The following EVL variants were observed in gnomAD, a reference collection of about 807,000 sequenced individuals.
EVL encodes Enah/Vasp-like, also known as ena/VASP-like protein.
In EVL, 21 loss-of-function variants were observed where a neutral mutation model predicts 59.6. That is an observed-to-expected ratio of 0.35 (90% CI 0.25 to 0.51). The LOEUF is 0.51. Among genes scored for constraint, EVL ranks in the 20% least tolerant of loss-of-function variants. EVL has a pLI of 0.97. For synonymous variants in EVL, 198 were observed against 203.5 expected (o/e 0.97, Z 0.23); for missense variants, 462 against 546.6 (o/e 0.85, Z 1.54).
At chr14:100,125,195 CCTGCCCCAAGACGGGATCACACACACAG>C (rs1887984639) in intron 4 of EVL, among the ~76,000 whole-genome samples, 5 of 138,496 alleles carry the variant, frequency 3.6e-5, no homozygotes, top group African/African-American at 1.3e-4. Context: ...CACACACACA[CCTGCCCCAAGACGGGATCACACACACAG>C]ACACACACAC....
intron 1 of EVL, among the ~76,000 whole-genome samples, chr14:100,026,656 C>A (rs2061218781): frequency 6.6e-6 from 1 of 152,194 alleles, no homozygotes; most frequent in African/African-American, 2.4e-5. Flanking sequence ...GTGCTTACTA[C>A]TGTGTAGTTG....
intron 1 of EVL, among the ~76,000 whole-genome samples, chr14:100,060,386 G>A (rs1039457666): frequency 1.4e-5 from 2 of 146,944 alleles, no homozygotes; most frequent in Non-Finnish European, 3.0e-5. Flanking sequence ...AGCCGAGATC[G>A]CGCCACTGCA....
intron 3 of EVL, chr14:100,107,346 G>A: frequency 5.0e-6 from 2 of 398,618 alleles, no homozygotes; most frequent in Non-Finnish European, 8.8e-6. Context: ...AGCCTCTGCT[G>A]GTGTAGAAGG....
At chr14:100,141,028 C>A (rs1595262564) in intron 11 of EVL, 152 bp from the exon 12 acceptor site, 1 of 630,874 alleles carries the variant, frequency 1.6e-6, no homozygotes, top group East Asian at 3.0e-5. Flanking sequence ...TTAAATCCTT[C>A]TCAGGCAGTC....
chr14:100,091,661 G>C (rs142143163), intron 2 of EVL, among the ~76,000 whole-genome samples: 3 of 152,112 alleles, frequency 2.0e-5, no homozygotes, highest in African/African-American at 7.2e-5. Context: ...TAAGAAACCC[G>C]TAAACCTAGG....
In EVL at chr14:99,972,840, G is replaced by A. The variant is rs2060744182; in HGVS notation, c.5+783G>A. ...ATTTGTAATTTTGCTTTCTGAACAC[G>A]TATCTCGTAAAAACTGTAGTTTGTA... On this transcript the variant is annotated intron_variant, in intron 1 of 13. Coordinates refer to the EVL transcript ENST00000402714. This position sits in a 1 kb window ranked among gnomAD's most constrained non-coding sequence, Gnocchi z 4.4. Among the ~76,000 whole-genome samples, 1 of 151,394 alleles carries A rather than the reference G, an allele frequency of 6.6e-6. No homozygotes were observed.
Position 100,097,643 on chromosome 14 carries a change from A to G in EVL, c.343A>G (p.Asn115Asp). ...NAMLFALNIM[N>D]SQEGGPSSQR... Reference sequence around the variant, plus strand: ...AATGCTGTTTGCCCTGAACATCATGAATTCCCAAGAAGGAGGTAAGTAGGG... The same window carrying G: ...AATGCTGTTTGCCCTGAACATCATGGATTCCCAAGAAGGAGGTAAGTAGGG... Residue 115 changes from asparagine to aspartate, a missense_variant, in exon 3 of 14, where the codon AAT becomes GAT. Coordinates refer to ENST00000392920, the MANE Select transcript of EVL (RefSeq NM_016337.3). 3 of 1,611,336 alleles carry G rather than the reference A, an allele frequency of 1.9e-6. No homozygotes were observed. Among genetic ancestry groups the G allele is most frequent in the Non-Finnish European group, 2.5e-6 (3 of 1,178,646 alleles).
Position 100,143,628 on chromosome 14 carries a change from G to A in EVL, c.1220-73G>A. On this transcript the variant is annotated intron_variant, in intron 13 of 13. Coordinates refer to ENST00000392920, the MANE Select transcript of EVL (RefSeq NM_016337.3). Reference sequence around the variant, plus strand: ...CATACCAGGCAGGTCCACGCCAGGGGTGCGGGGCCCTGATGAGGAACCGGG... The same window carrying A: ...CATACCAGGCAGGTCCACGCCAGGGATGCGGGGCCCTGATGAGGAACCGGG... The A allele has an allele frequency of 1.0e-5, 16 of 1,579,870 alleles. No individual in the cohort carries two copies. The South Asian group carries it at 1.7e-4, about 17-fold the overall frequency.
intron 1 of EVL, among the ~76,000 whole-genome samples, chr14:99,976,057 C>T (rs930665872): frequency 6.6e-6 from 1 of 151,648 alleles, no homozygotes; most frequent in Non-Finnish European, 1.5e-5. Flanking sequence ...TATTATTTTT[C>T]AGAGTCTCAT....
chr14:100,059,829 G>A (rs182122796), intron 1 of EVL, among the ~76,000 whole-genome samples: 12 of 152,266 alleles, frequency 7.9e-5, no homozygotes, highest in African/African-American at 2.6e-4. Context: ...AAAAGGATCT[G>A]CCAGTAATTT....
chr14:100,055,176 G>A (rs1185290907), intron 1 of EVL, among the ~76,000 whole-genome samples: 1 of 150,796 alleles, frequency 6.6e-6, no homozygotes, highest in African/African-American at 2.5e-5. Context: ...TCCAGCCTGG[G>A]CGACAAGGGT....
intron 1 of EVL, among the ~76,000 whole-genome samples, chr14:100,042,544 T>C (rs964392050): frequency 6.6e-6 from 1 of 152,148 alleles, no homozygotes. Context: ...CTCTGGGCCC[T>C]GGGCCCAGCG....
intron 1 of EVL, among the ~76,000 whole-genome samples, chr14:100,037,226 C>T (rs2061401828): frequency 6.6e-6 from 1 of 152,180 alleles, no homozygotes; most frequent in African/African-American, 2.4e-5. Flanking sequence ...GAAGGGCAGT[C>T]CGTTGAAGAG....
At chr14:100,052,399 T>C (rs2061660909) in intron 1 of EVL, among the ~76,000 whole-genome samples, 1 of 152,176 alleles carries the variant, frequency 6.6e-6, no homozygotes, top group South Asian at 2.1e-4. Flanking sequence ...TTTCTAAATA[T>C]TACATCTTTT....
chr14:100,143,790 A>T lies in EVL; in HGVS notation c.*52A>T, dbSNP rs58103906. On this transcript the variant is annotated 3_prime_UTR_variant, in exon 14 of 14. Coordinates refer to ENST00000392920, the MANE Select transcript of EVL (RefSeq NM_016337.3). ...TCGAGCCCATCCGGCGACAGAGGACAGCCAGAAGCCCAGCCAGCCCCAGAC... is the reference window on the plus strand; with the variant it reads ...TCGAGCCCATCCGGCGACAGAGGACTGCCAGAAGCCCAGCCAGCCCCAGAC... 4 of 1,593,692 alleles carry T rather than the reference A, an allele frequency of 2.5e-6. No individual in the cohort carries two copies. Among genetic ancestry groups the T allele is most frequent in the Middle Eastern group, 1.7e-4 (1 of 6,036 alleles).
At chr14:100,087,026 C>T (rs1483972089) in intron 2 of EVL, among the ~76,000 whole-genome samples, 1 of 152,172 alleles carries the variant, frequency 6.6e-6, no homozygotes, top group Non-Finnish European at 1.5e-5. Context: ...AGTGGTCAGA[C>T]ATGTTGAGAG....
chr14:100,085,906 T>C (rs1454952590), intron 2 of EVL, among the ~76,000 whole-genome samples: 1 of 152,052 alleles, frequency 6.6e-6, no homozygotes, highest in East Asian at 1.9e-4. Context: ...GGCGGGTGGA[T>C]TACAAGGTCA....
At chr14:100,094,223 T>C (rs182718180) in intron 2 of EVL, among the ~76,000 whole-genome samples, 3 of 152,168 alleles carry the variant, frequency 2.0e-5, no homozygotes, top group Admixed American at 2.0e-4. Flanking sequence ...GGACCTCATT[T>C]CCTGACTGTA....
At chr14:99,978,076 G>A (rs1236527641) in intron 1 of EVL, 8 of 144,356 alleles carry the variant, frequency 5.5e-5, no homozygotes, top group Non-Finnish European at 1.0e-4. Context: ...CATCTTGGGT[G>A]ACAGAGCGAG....
Sources: gnomAD v4.1 joint callset for allele counts (sites outside exome capture counted in the v4.1 genomes callset) on GRCh38, gnomAD v4.1.1 for gene constraint, Gnocchi (gnomAD v3.1) non-coding constraint, MANE v1.5 for transcripts, NCBI Gene and HGNC (gene_info 2026-07-23, HGNC 2026-07-21) for gene names.